CLIC4: variants seen among roughly 807,000 people sequenced by gnomAD.
CLIC4 encodes the protein chloride intracellular channel protein 4.
A neutral mutation model predicts 24.6 loss-of-function variants in CLIC4; 13 were observed. That is an observed-to-expected ratio of 0.53 (90% CI 0.34 to 0.84). The LOEUF (loss-of-function observed/expected upper bound fraction) is 0.84, where lower values mean the gene tolerates loss of function less well. Ranked by LOEUF, CLIC4 falls within the 40% of genes least tolerant of loss-of-function variation. The pLI is 0.01. For missense variants in CLIC4, 227 were observed against 301.7 expected, an observed-to-expected ratio of 0.75 and a Z score of 1.83; for synonymous variants, 104 against 111.3, an observed-to-expected ratio of 0.93 and a Z score of 0.41.
At chr1:24,792,626 A>G (rs1038376209) in intron 1 of CLIC4, among the ~76,000 whole-genome samples, 1 of 152,188 alleles carries the variant, frequency 6.6e-6, no homozygotes. Context: ...TTGACTTGTC[A>G]TTAGTGGTTA....
chr1:24,795,247 T>C (rs1195341263), intron 1 of CLIC4, among the ~76,000 whole-genome samples: 1 of 152,214 alleles, frequency 6.6e-6, no homozygotes, highest in Non-Finnish European at 1.5e-5. Flanking sequence ...AAAAGATTTG[T>C]ACCACTCTGA....
At chr1:24,785,416 A>G (rs2124117507) in intron 1 of CLIC4, among the ~76,000 whole-genome samples, 1 of 152,354 alleles carries the variant, frequency 6.6e-6, no homozygotes, top group East Asian at 1.9e-4. Context: ...TTACACAGCT[A>G]ATGAACTAGG....
intron 3 of CLIC4, among the ~76,000 whole-genome samples, chr1:24,824,971 C>T (rs906200968): frequency 2.7e-5 from 4 of 149,570 alleles, no homozygotes; most frequent in Non-Finnish European, 4.4e-5. Context: ...CTACACTCCA[C>T]CCTGGGTGAC....
chr1:24,826,017 T>C (rs998811706), intron 3 of CLIC4, among the ~76,000 whole-genome samples: 1 of 152,244 alleles, frequency 6.6e-6, no homozygotes, highest in Non-Finnish European at 1.5e-5. Flanking sequence ...CTCCTGGGGC[T>C]GACATGAGTC....
In CLIC4 at chr1:24,788,006, C is replaced by T. The variant is rs1032790364; in HGVS notation, c.73-9736C>T. 5.9e-5 allele frequency among the ~76,000 whole-genome samples: 9 copies of T among 151,934 alleles called. No homozygotes were observed. In the South Asian group the frequency reaches 1.7e-3, roughly 28 times the overall value. On this transcript the variant is annotated intron_variant, in intron 1 of 5. Coordinates refer to ENST00000374379, the MANE Select transcript of CLIC4 (RefSeq NM_013943.3). ...AAGTAGCTGGGATTACAGGCACGTA[C>T]CAGCACGCCCAGCTAATTTTTGTAT...
At chr1:24,838,426 T>C (rs1344330737) in intron 4 of CLIC4, among the ~76,000 whole-genome samples, 1 of 152,188 alleles carries the variant, frequency 6.6e-6, no homozygotes, top group African/African-American at 2.4e-5. Flanking sequence ...AAGACTACCA[T>C]CTATTACCTG....
Position 24,775,736 on chromosome 1 carries a change from TC to T in CLIC4, c.73-22005del, listed in dbSNP as rs1472089706. 5.9e-5 allele frequency among the ~76,000 whole-genome samples: 9 copies of T among 151,926 alleles called. No homozygotes were observed. In the East Asian group the frequency reaches 1.7e-3, roughly 29 times the overall value. ...CCTTTATTTTGAGCATATTTTTCTT[TC>T]GTTATTTGAACATAGTTACCATAAC... On this transcript the variant is annotated intron_variant, in intron 1 of 5. Transcript: ENST00000374379.
chr1:24,815,392 C>T (rs1639657606), intron 3 of CLIC4, among the ~76,000 whole-genome samples: 1 of 152,094 alleles, frequency 6.6e-6, no homozygotes, highest in Non-Finnish European at 1.5e-5. Flanking sequence ...ATCCCAGCTA[C>T]TCGGGAGGCT....
chr1:24,797,738 C>T lies in CLIC4; in HGVS notation c.73-4C>T. On this transcript the variant is annotated splice_region_variant and splice_polypyrimidine_tract_variant and intron_variant, in intron 1 of 5. Coordinates refer to ENST00000374379, the MANE Select transcript of CLIC4 (RefSeq NM_013943.3). ...TGTTTTTAATGTTTAATTCTGTTTT[C>T]CAGGCTGGCAGTGATGGTGAAAGCA... 1.3e-6 allele frequency: 2 copies of T among 1,593,998 alleles called. No homozygotes were observed. The highest frequency in any genetic ancestry group is 1.7e-6 in the Non-Finnish European group (2 of 1,171,074).
In CLIC4 at chr1:24,745,605, C is replaced by G. The variant is rs772102373; in HGVS notation, c.52C>G (p.Leu18Val). ...GCTGAAGGAGGAGGACAAAGAGCCC[C>G]TCATCGAGCTCTTCGTCAAGGTGAG... is the stretch of plus-strand genomic sequence containing the variant. ...NGLKEEDKEP[L>V]IELFVKAGSD... Residue 18 changes from leucine (L) to valine (V), a missense_variant, in exon 1 of 6, where the codon CTC becomes GTC. Coordinates refer to ENST00000374379, the MANE Select transcript of CLIC4 (RefSeq NM_013943.3). The G allele has an allele frequency of 2.5e-6, 4 of 1,577,500 alleles. No homozygotes were observed. The South Asian group carries it at 4.7e-5, about 18-fold the overall frequency.
chr1:24,760,327 C>G (rs1638911425), intron 1 of CLIC4, among the ~76,000 whole-genome samples: 1 of 151,914 alleles, frequency 6.6e-6, no homozygotes, highest in Non-Finnish European at 1.5e-5. Context: ...GATTGCACCA[C>G]TGCACTCCAG....
intron 1 of CLIC4, among the ~76,000 whole-genome samples, chr1:24,763,382 A>T (rs1384477716): frequency 6.6e-6 from 1 of 151,990 alleles, no homozygotes; most frequent in Admixed American, 6.6e-5. Context: ...TCTACTAAAA[A>T]TACAAAAATT....
chr1:24,771,856 G>A, intron 1 of CLIC4: 1 of 514,272 alleles, frequency 1.9e-6, no homozygotes, highest in South Asian at 1.4e-5. Flanking sequence ...AGTCCTATGT[G>A]TATCCTAATT....
chr1:24,787,845 ATTTT>A (rs60149402), intron 1 of CLIC4, among the ~76,000 whole-genome samples: 2 of 142,366 alleles, frequency 1.4e-5, no homozygotes, highest in Admixed American at 7.0e-5. Flanking sequence ...GTGCCCGGCC[ATTTT>A]TTTTTTTTTT....
At chr1:24,826,505 C>G (rs571335186) in intron 3 of CLIC4, among the ~76,000 whole-genome samples, 104 of 152,332 alleles carry the variant, frequency 6.8e-4, no homozygotes, top group African/African-American at 2.5e-3. Context: ...TGTCTGGTGA[C>G]TACTGAGCAC....
At chr1:24,775,224 C>CTTTTTTTTTTTTTTTTTTTTTTTTTTT in intron 1 of CLIC4, among the ~76,000 whole-genome samples, 14 of 90,654 alleles carry the variant, frequency 1.5e-4, no homozygotes, top group East Asian at 3.4e-4. Context: ...TTCTTTCTTT[C>CTTTTTTTTTTTTTTTTTTTTTTTTTTT]TTTTTTTTTT....
intron 1 of CLIC4, among the ~76,000 whole-genome samples, chr1:24,757,699 T>G (rs1273075497): frequency 3.3e-5 from 5 of 152,208 alleles, no homozygotes; most frequent in Non-Finnish European, 5.9e-5. Context: ...GAAATTAAAT[T>G]TAAGCCTTGA....
intron 4 of CLIC4, among the ~76,000 whole-genome samples, chr1:24,831,529 A>G (rs893470451): frequency 2.0e-5 from 3 of 152,258 alleles, no homozygotes; most frequent in Non-Finnish European, 4.4e-5. Context: ...GTTTGAATTC[A>G]GGCAACATTA....
chr1:24,798,981 A>T (rs1210132093), intron 2 of CLIC4, among the ~76,000 whole-genome samples: 1 of 152,162 alleles, frequency 6.6e-6, no homozygotes, highest in Non-Finnish European at 1.5e-5. Flanking sequence ...CAGTGGCGTG[A>T]TCTCGGCTCG....
Sources: allele counts gnomAD v4.1 joint callset (sites outside exome capture counted in the v4.1 genomes callset), GRCh38; gene constraint gnomAD v4.1.1; transcripts MANE v1.5; gene names NCBI Gene and HGNC (gene_info 2026-07-23, HGNC 2026-07-21).